PCDHA2: variants seen among roughly 807,000 people sequenced by gnomAD.
The protein encoded by PCDHA2 is protocadherin alpha 2, also known as protocadherin alpha-2.
Under a neutral mutation model 66.0 loss-of-function variants are expected in PCDHA2, and 58 were observed. The ratio of observed to expected loss-of-function variants is 0.88; its 90% CI spans 0.71 to 1.09. The LOEUF (loss-of-function observed/expected upper bound fraction) is 1.09. PCDHA2 is among the 50% of genes least tolerant of loss of function. The pLI is 0.00. For missense variants in PCDHA2, 1,267 were observed against 1,242.3 expected (o/e 1.02, Z -0.30); for synonymous variants, 634 against 554.0 (o/e 1.14, Z -2.03).
rs1218240596 is a variant in PCDHA2 at position 140,796,712 on chromosome 5, G to A, written c.1748G>A (p.Trp583Ter). Residue 583 changes from tryptophan (W) to a stop codon, truncating the protein, a stop_gained, in exon 1 of 4, where the codon TGG becomes TAG. Coordinates refer to ENST00000526136, the MANE Select transcript of PCDHA2 (RefSeq NM_018905.3). LOFTEE classifies it high-confidence loss of function. Reference protein sequence around the residue: ...AAGAVSELVPWSVGAGHVVAK... With the variant: ...AAGAVSELVP Reference sequence around the variant, plus strand: ...GGCGCAGTGAGTGAGCTGGTGCCGTGGTCGGTGGGTGCAGGGCACGTGGTG... The same window carrying A: ...GGCGCAGTGAGTGAGCTGGTGCCGTAGTCGGTGGGTGCAGGGCACGTGGTG... 2.5e-6 allele frequency: 4 copies of A among 1,613,880 alleles called. No homozygotes were observed. The African/African-American group carries it at 4.0e-5, about 16-fold the overall frequency.
chr5:141,002,333 G>T (rs782123745), intron 3 of PCDHA2, among the ~76,000 whole-genome samples: 1 of 152,196 alleles, frequency 6.6e-6, no homozygotes, highest in African/African-American at 2.4e-5. Context: ...GGCTGCATCC[G>T]CACCCCTTCC....
chr5:140,828,238 G>T (rs782682272), intron 1 of PCDHA2: 6 of 1,613,818 alleles, frequency 3.7e-6, no homozygotes, highest in African/African-American at 2.7e-5. Flanking sequence ...GCCGGATCGC[G>T]CAGGACCTGG....
chr5:140,962,889 A>G (rs1554226313), intron 1 of PCDHA2, among the ~76,000 whole-genome samples: 2 of 152,220 alleles, frequency 1.3e-5, no homozygotes, highest in Admixed American at 6.5e-5. Flanking sequence ...GAATTAAAAA[A>G]TGAAAACTAG....
rs144914662 is a variant in PCDHA2, at chr5:140,807,597, A to C, written c.2388+10245A>C. 2,181 of 1,614,208 alleles carry C rather than the reference A, an allele frequency of 1.4e-3. 2 individuals carry two copies. Among genetic ancestry groups the C allele is most frequent in the Non-Finnish European group, 1.8e-3 (2,092 of 1,180,038 alleles). On this transcript the variant is annotated intron_variant, in intron 1 of 3. Coordinates refer to ENST00000526136, the MANE Select transcript of PCDHA2 (RefSeq NM_018905.3). ...AACCCGCCGGTGTTCCCAGCAACAC[A>C]AAAGAACCTGTCCATCGCGGAATCC...
At chr5:140,828,068 G>A (rs1448690269) in intron 1 of PCDHA2, 1 of 1,561,610 alleles carries the variant, frequency 6.4e-7, no homozygotes, top group African/African-American at 1.4e-5. Context: ...TCTTCTAATG[G>A]AAATAAAACC....
intron 1 of PCDHA2, chr5:140,828,544 G>C: frequency 6.2e-7 from 1 of 1,614,214 alleles, no homozygotes; most frequent in Non-Finnish European, 8.5e-7. Flanking sequence ...CAGATTCTGT[G>C]TTTCCACTGG....
intron 1 of PCDHA2, among the ~76,000 whole-genome samples, chr5:140,944,072 A>C (rs868935645): frequency 6.6e-6 from 1 of 152,218 alleles, no homozygotes; most frequent in Non-Finnish European, 1.5e-5. Context: ...CTTGTTAAAG[A>C]TAAAGGAGGC....
At chr5:140,971,641 C>T (rs1554233513) in intron 1 of PCDHA2, among the ~76,000 whole-genome samples, 1 of 152,078 alleles carries the variant, frequency 6.6e-6, no homozygotes, top group African/African-American at 2.4e-5. Context: ...CATGTGCCTA[C>T]ATTAAAAGTA....
chr5:140,858,306 G>A (rs1554151408), intron 1 of PCDHA2: 3 of 1,597,282 alleles, frequency 1.9e-6, no homozygotes, highest in South Asian at 1.1e-5. Flanking sequence ...CAGCAGAGGC[G>A]GCAGAGGGTG....
chr5:140,856,991 T>A, intron 1 of PCDHA2: 1 of 1,595,770 alleles, frequency 6.3e-7, no homozygotes, highest in Non-Finnish European at 8.6e-7. Flanking sequence ...CAGTAACACT[T>A]ATGAAATTCA....
chr5:140,912,860 G>A (rs1554195574), intron 1 of PCDHA2, among the ~76,000 whole-genome samples: 1 of 152,182 alleles, frequency 6.6e-6, no homozygotes, highest in African/African-American at 2.4e-5. Flanking sequence ...CAATTGAAAT[G>A]ATATATGGTT....
At chr5:140,960,715 CTTATTTTAGTCCA>C (rs60915889) in intron 1 of PCDHA2, among the ~76,000 whole-genome samples, 85,456 of 151,802 alleles carry the variant, frequency 0.56, 24,653 homozygotes, top group African/African-American at 0.69. Flanking sequence ...AAATACTCAT[CTTATTTTAGTCCA>C]TGATTTTAGT....
chr5:140,842,686 C>T lies in PCDHA2; in HGVS notation c.2388+45334C>T, dbSNP rs2150342048. Reference sequence around the variant, plus strand: ...ACGTGAACGACAATGCTCCGGCGTTCGCGCAGCCCGAGTACACGGTGTTCG... The same window carrying T: ...ACGTGAACGACAATGCTCCGGCGTTTGCGCAGCCCGAGTACACGGTGTTCG... On this transcript the variant is annotated intron_variant, in intron 1 of 3. Transcript: ENST00000526136. 1.9e-6 allele frequency: 3 copies of T among 1,595,316 alleles called. 1 individual carries two copies. The South Asian group carries it at 3.3e-5, about 18-fold the overall frequency.
chr5:140,847,343 G>C (rs1554141738), intron 1 of PCDHA2: 1 of 149,722 alleles, frequency 6.7e-6, no homozygotes, highest in Non-Finnish European at 1.5e-5. Flanking sequence ...CACCTCTTAG[G>C]CTGTTATCAG....
chr5:140,807,737 C>A, intron 1 of PCDHA2: 1 of 1,613,862 alleles, frequency 6.2e-7, no homozygotes, highest in East Asian at 2.2e-5. Context: ...GGAAAAACCA[C>A]CTGATGACGA....
chr5:140,981,726 T>C (rs1554243283), intron 2 of PCDHA2, among the ~76,000 whole-genome samples: 1 of 151,710 alleles, frequency 6.6e-6, no homozygotes, highest in Non-Finnish European at 1.5e-5. Context: ...CCAACAAATA[T>C]TTGAGAGATT....
intron 1 of PCDHA2, chr5:140,803,379 A>G (rs1554122766): frequency 2.5e-6 from 4 of 1,614,190 alleles, no homozygotes; most frequent in East Asian, 4.5e-5. Context: ...CGCGCCGCCA[A>G]CCGAAGGCGA....
Position 140,796,170 on chromosome 5 carries a change from G to T in PCDHA2, c.1206G>T (p.Lys402Asn). The change falls in exon 1 of 4, where the codon AAG becomes AAT. Residue 402 changes from lysine (K) to asparagine (N), a missense_variant. Physicochemically the swap from Lys to Asn is moderately conservative, Grantham distance 94. Transcript: ENST00000526136. ...CTTTCAAGCTGGTGTCCACCTTCAA[G>T]AATTACTACTCGTTGGTGCTGGACA... ...HVPFKLVSTFKNYYSLVLDSA... is the reference protein window; with the variant it reads ...HVPFKLVSTFNNYYSLVLDSA... The T allele has an allele frequency of 6.2e-7, 1 of 1,614,200 alleles. No individual in the cohort carries two copies. The highest frequency in any genetic ancestry group is 1.6e-4 in the Middle Eastern group (1 of 6,062).
chr5:140,801,468 G>C (rs1433804601), intron 1 of PCDHA2: 6 of 1,613,938 alleles, frequency 3.7e-6, no homozygotes, highest in Non-Finnish European at 5.1e-6. Flanking sequence ...TTCTCGGATA[G>C]ACCGCGAGGA....
Sources: allele counts gnomAD v4.1 joint callset (sites outside exome capture counted in the v4.1 genomes callset), GRCh38; gene constraint gnomAD v4.1.1; transcripts MANE v1.5; gene names NCBI Gene and HGNC (gene_info 2026-07-23, HGNC 2026-07-21).